ADARB2: variants seen among roughly 807,000 people sequenced by gnomAD.
ADARB2 encodes adenosine deaminase RNA specific B2 (inactive).
A neutral mutation model predicts 62.2 loss-of-function variants in ADARB2; 25 were observed. The observed-to-expected ratio is 0.40, with a 90% CI of 0.29 to 0.56. The LOEUF (loss-of-function observed/expected upper bound fraction) is 0.56, where lower values mean the gene tolerates loss of function less well. Among genes scored for constraint, ADARB2 ranks in the 20% least tolerant of loss-of-function variants. ADARB2 has a pLI of 0.43. For synonymous variants in ADARB2, 572 were observed against 500.8 expected (o/e 1.14, Z -1.90); for missense variants, 1,071 against 1,077.4 (o/e 0.99, Z 0.08).
chr10:1,311,939 C>T (rs1027155287), intron 3 of ADARB2, among the ~76,000 whole-genome samples: 2 of 152,196 alleles, frequency 1.3e-5, no homozygotes, highest in African/African-American at 2.4e-5. Context: ...AGTCTGTACT[C>T]ACTGAAGTGA....
intron 6 of ADARB2, among the ~76,000 whole-genome samples, chr10:1,232,524 G>A (rs960599829): frequency 2.6e-5 from 4 of 151,214 alleles, no homozygotes; most frequent in Non-Finnish European, 4.4e-5. Context: ...TGCTGTGTGT[G>A]ATGTGTGGTA....
intron 3 of ADARB2, among the ~76,000 whole-genome samples, chr10:1,285,344 C>T (rs930916965): frequency 5.6e-5 from 8 of 143,504 alleles, no homozygotes; most frequent in Non-Finnish European, 9.1e-5. Flanking sequence ...CTCGCAGGGA[C>T]GATGGTGGTA....
In ADARB2 at chr10:1,178,637, G is replaced by T. The variant is rs1836621297; in HGVS notation, c.*4556C>A. Reference sequence around the variant, plus strand: ...CAAAAGACCCTAAAATACCAGCGAGGCGGGGGGTGGTCTGTCCCTGCTAAG... The same window carrying T: ...CAAAAGACCCTAAAATACCAGCGAGTCGGGGGGTGGTCTGTCCCTGCTAAG... On this transcript the variant is annotated 3_prime_UTR_variant, in exon 10 of 10. Coordinates refer to ENST00000381312, the MANE Select transcript of ADARB2 (RefSeq NM_018702.4). 6.6e-6 allele frequency: 1 copy of T among 152,300 alleles called. No homozygotes were observed. The highest frequency in any genetic ancestry group is 1.5e-5 in the Non-Finnish European group (1 of 68,140). 9.4% of individuals were successfully genotyped at this position (152,300 alleles called of 1,614,324 possible).
intron 3 of ADARB2, among the ~76,000 whole-genome samples, chr10:1,281,847 G>A (rs763861140): frequency 3.3e-5 from 5 of 152,098 alleles, no homozygotes; most frequent in Non-Finnish European, 5.9e-5. Context: ...ATTGAGGGGC[G>A]CTTGACATTT....
chr10:1,543,674 G>A (rs1832472526), intron 1 of ADARB2, among the ~76,000 whole-genome samples: 2 of 152,164 alleles, frequency 1.3e-5, no homozygotes, highest in South Asian at 4.1e-4. Flanking sequence ...AACGGATAAA[G>A]GGAGCTTTGG....
chr10:1,376,583 C>A (rs2131858504), intron 2 of ADARB2, among the ~76,000 whole-genome samples: 1 of 152,312 alleles, frequency 6.6e-6, no homozygotes, highest in South Asian at 2.1e-4. Context: ...ATCTCACGGG[C>A]AGAGCAGTAA....
Position 1,194,231 on chromosome 10 carries a change from T to C in ADARB2, c.1864+5735A>G, listed in dbSNP as rs190619273. 1.6e-4 allele frequency among the ~76,000 whole-genome samples: 24 copies of C among 152,334 alleles called. 1 individual carries two copies. In the East Asian group the frequency reaches 4.6e-3, roughly 29 times the overall value. On this transcript the variant is annotated intron_variant, in intron 8 of 9. Coordinates refer to ENST00000381312, the MANE Select transcript of ADARB2 (RefSeq NM_018702.4). ...GATTAACATTTAACTCATTCGACTT[T>C]GAATAGAGCAGGTTATGCTCTGCAA...
At position 1,588,173 on chromosome 10, in the gene ADARB2, T is replaced by C. The variant is rs905157150; in HGVS notation, c.100+148878A>G. On this transcript the variant is annotated intron_variant, in intron 1 of 9. Transcript: ENST00000381312. The stretch of plus-strand genomic sequence containing the variant: ...AAGACCCACCTTGCAGGACAAGCAG[T>C]TCTAAGCTCACAGGTCACACCCTCT... Among the ~76,000 whole-genome samples, 6 of 152,044 alleles carry C rather than the reference T, an allele frequency of 3.9e-5. 1 individual carries two copies. The highest frequency in any genetic ancestry group is 8.8e-5 in the Non-Finnish European group (6 of 68,012).
At chr10:1,502,229 C>T (rs1452543183) in intron 1 of ADARB2, among the ~76,000 whole-genome samples, 3 of 152,224 alleles carry the variant, frequency 2.0e-5, no homozygotes, top group Non-Finnish European at 2.9e-5. Context: ...CTGCCCCCAG[C>T]GGGGCTCTGT....
intron 1 of ADARB2, among the ~76,000 whole-genome samples, chr10:1,447,706 G>GT (rs1178432688): frequency 1.3e-5 from 2 of 152,134 alleles, no homozygotes; most frequent in East Asian, 3.8e-4. Flanking sequence ...CTGATTGGTA[G>GT]TTTTTTGATC....
intron 1 of ADARB2, among the ~76,000 whole-genome samples, chr10:1,514,257 T>C (rs1255392145): frequency 6.8e-6 from 1 of 147,636 alleles, no homozygotes; most frequent in Non-Finnish European, 1.5e-5. Flanking sequence ...ATATTGCTGA[T>C]ACAGAGGACT....
chr10:1,711,590 C>T (rs1423569304), intron 1 of ADARB2, among the ~76,000 whole-genome samples: 1 of 152,190 alleles, frequency 6.6e-6, no homozygotes, highest in Non-Finnish European at 1.5e-5. Context: ...GAGCTGGAGA[C>T]CTTTAGAGCT....
At chr10:1,734,449 G>A (rs954152659) in intron 1 of ADARB2, among the ~76,000 whole-genome samples, 6 of 151,942 alleles carry the variant, frequency 3.9e-5, no homozygotes, top group Admixed American at 2.0e-4. Context: ...TGGTAGCCCC[G>A]GCATGCTTTA....
rs190168090 is a variant in ADARB2, at chr10:1,177,466, C to A, written c.*5727G>T. On this transcript the variant is annotated 3_prime_UTR_variant, in exon 10 of 10. Coordinates refer to ENST00000381312, the MANE Select transcript of ADARB2 (RefSeq NM_018702.4). Reference sequence around the variant, plus strand: ...TTTTACAAATATTACAAATGTACATCCATTGATACAATATTGCCATTCTAT... The same window carrying A: ...TTTTACAAATATTACAAATGTACATACATTGATACAATATTGCCATTCTAT... 39 of 152,076 alleles carry A rather than the reference C, an allele frequency of 2.6e-4. No individual in the cohort carries two copies. Among genetic ancestry groups the A allele is most frequent in the African/African-American group, 7.7e-4 (32 of 41,496 alleles). The allele number at this position is 152,076 out of a possible 1,614,324, so 9.4% of individuals were successfully genotyped here. A position where few individuals can be genotyped will look rare whatever the true frequency, so the allele number is the denominator to read the frequency against.
At chr10:1,722,891 G>C (rs1835110846) in intron 1 of ADARB2, among the ~76,000 whole-genome samples, 1 of 152,174 alleles carries the variant, frequency 6.6e-6, no homozygotes, top group Non-Finnish European at 1.5e-5. Flanking sequence ...GCACAGTGGA[G>C]TGTGCCTATA....
intron 8 of ADARB2, among the ~76,000 whole-genome samples, chr10:1,188,439 G>A (rs775013762): frequency 6.6e-6 from 1 of 152,188 alleles, no homozygotes; most frequent in Non-Finnish European, 1.5e-5. Context: ...TTCCTTTCAC[G>A]GAAAACACAT....
At chr10:1,599,920 T>G (rs1025482334) in intron 1 of ADARB2, among the ~76,000 whole-genome samples, 2 of 152,076 alleles carry the variant, frequency 1.3e-5, no homozygotes, top group African/African-American at 4.8e-5. Context: ...TTTTTGTATT[T>G]TTTTTCTAGA....
intron 3 of ADARB2, among the ~76,000 whole-genome samples, chr10:1,273,026 CTCTGTG>C (rs540456070): frequency 3.9e-5 from 6 of 152,194 alleles, no homozygotes; most frequent in Non-Finnish European, 8.8e-5. Flanking sequence ...TGGCCTTCTC[CTCTGTG>C]TCTGTGTCTG....
rs571324851 is a variant in ADARB2 at position 1,395,932 on chromosome 10, C to T, written c.101-16772G>A. On this transcript the variant is annotated intron_variant, in intron 1 of 9. Coordinates refer to ENST00000381312, the MANE Select transcript of ADARB2 (RefSeq NM_018702.4). ...CTGAGCTTCTTTGAATCTGGAAGTG[C>T]GGCATCGTGAACCCTCCTAGCAGGG... 2.6e-5 allele frequency among the ~76,000 whole-genome samples: 4 copies of T among 152,318 alleles called. No homozygotes were observed. In the South Asian group the frequency reaches 6.2e-4, roughly 24 times the overall value.
Sources: allele counts gnomAD v4.1 joint callset (sites outside exome capture counted in the v4.1 genomes callset), GRCh38; gene constraint gnomAD v4.1.1; transcripts MANE v1.5; gene names NCBI Gene and HGNC (gene_info 2026-07-23, HGNC 2026-07-21).